Variants in FBXL17 observed in about 807,000 individuals in gnomAD.
The protein encoded by FBXL17 is F-box/LRR-repeat protein 17.
In FBXL17, 22 loss-of-function variants were observed where a neutral mutation model predicts 66.2. The observed-to-expected ratio is 0.33, with a 90% CI of 0.24 to 0.47. The LOEUF (loss-of-function observed/expected upper bound fraction) is 0.47, where lower values mean the gene tolerates loss of function less well. FBXL17 is among the 20% of genes least tolerant of loss of function. The probability of loss-of-function intolerance (pLI) is 1.00; values close to 1 mark genes in which losing one functional copy is unlikely to be tolerated. For synonymous variants in FBXL17, 474 were observed against 400.5 expected (o/e 1.18, Z -2.19); for missense variants, 878 against 948.2 (o/e 0.93, Z 0.97).
chr5:107,932,883 T>C (rs372970608), intron 7 of FBXL17, among the ~76,000 whole-genome samples: 4 of 152,086 alleles, frequency 2.6e-5, no homozygotes, highest in African/African-American at 9.7e-5. Flanking sequence ...ATAAGATGTC[T>C]CGTTCAGTGT....
At chr5:108,066,533 T>C (rs954119058) in intron 6 of FBXL17, among the ~76,000 whole-genome samples, 39 of 152,116 alleles carry the variant, frequency 2.6e-4, no homozygotes, top group African/African-American at 9.4e-4. Context: ...ACTATCTCTT[T>C]TATTAACTAT....
intron 6 of FBXL17, among the ~76,000 whole-genome samples, chr5:108,111,725 G>A (rs573012435): frequency 8.5e-5 from 13 of 152,142 alleles, no homozygotes; most frequent in South Asian, 8.3e-4. Context: ...ACTAGGCTAC[G>A]GGACCACACT....
intron 6 of FBXL17, among the ~76,000 whole-genome samples, chr5:108,079,353 ACT>A (rs1748677891): frequency 6.6e-6 from 1 of 151,758 alleles, no homozygotes. Flanking sequence ...TGATCCTGAA[ACT>A]CTCTCAAGGG....
At chr5:108,040,847 T>C (rs1159181258) in intron 6 of FBXL17, among the ~76,000 whole-genome samples, 1 of 152,068 alleles carries the variant, frequency 6.6e-6, no homozygotes, top group Admixed American at 6.6e-5. Context: ...AAAAGTGGAG[T>C]GCAGCTTTGG....
chr5:108,372,814 T>C (rs2112616752), intron 1 of FBXL17, among the ~76,000 whole-genome samples: 1 of 152,336 alleles, frequency 6.6e-6, no homozygotes, highest in African/African-American at 2.4e-5. Flanking sequence ...GACAGTGGCT[T>C]AAAATCACAT....
rs558765952 is a variant in FBXL17 at position 107,972,980 on chromosome 5, C to A, written c.1822+47945G>T. The stretch of plus-strand genomic sequence containing the variant: ...ACAACCTCTCACCCCATCTCCATCC[C>A]TGTTAGTCCTCATGCGCTCCCTGAA... On this transcript the variant is annotated intron_variant, in intron 7 of 8. Coordinates refer to ENST00000542267, the MANE Select transcript of FBXL17 (RefSeq NM_001163315.3). Among the ~76,000 whole-genome samples, 3 of 152,330 alleles carry A rather than the reference C, an allele frequency of 2.0e-5. No homozygotes were observed. In the South Asian group the frequency reaches 6.2e-4, roughly 32 times the overall value.
intron 6 of FBXL17, among the ~76,000 whole-genome samples, chr5:108,161,102 G>A (rs976220919): frequency 4.6e-5 from 7 of 152,190 alleles, no homozygotes; most frequent in Middle Eastern, 3.4e-3. Context: ...ATGGTAGCCT[G>A]TTAAGAGAGT....
chr5:108,337,321 T>C (rs1760434740), intron 4 of FBXL17, among the ~76,000 whole-genome samples: 1 of 151,854 alleles, frequency 6.6e-6, no homozygotes, highest in Non-Finnish European at 1.5e-5. Context: ...CAATGGTTCA[T>C]CTTCACTGGC....
intron 4 of FBXL17, among the ~76,000 whole-genome samples, chr5:108,284,674 A>G (rs1349062428): frequency 1.3e-5 from 2 of 151,866 alleles, no homozygotes; most frequent in Non-Finnish European, 2.9e-5. Context: ...GTGTAACAAA[A>G]TTGCACATGT....
At chr5:108,232,860 T>C (rs1005801918) in intron 4 of FBXL17, among the ~76,000 whole-genome samples, 1 of 145,652 alleles carries the variant, frequency 6.9e-6, no homozygotes, top group Non-Finnish European at 1.5e-5. Flanking sequence ...CAACAGTTTA[T>C]TCATTTTATT....
chr5:108,304,696 A>G (rs1341507071), intron 4 of FBXL17, among the ~76,000 whole-genome samples: 1 of 151,998 alleles, frequency 6.6e-6, no homozygotes, highest in Non-Finnish European at 1.5e-5. Flanking sequence ...TCAATACAAG[A>G]AAGAAAATGC....
chr5:108,351,110 G>T (rs1029256772), intron 3 of FBXL17, among the ~76,000 whole-genome samples: 5 of 152,018 alleles, frequency 3.3e-5, no homozygotes, highest in African/African-American at 1.2e-4. Context: ...AGTGTTAAGA[G>T]TATAAAAACT....
At position 108,278,288 on chromosome 5, in the gene FBXL17, C is replaced by A. The variant is rs935104699; in HGVS notation, c.1507-54060G>T. Among the ~76,000 whole-genome samples, 13 of 152,328 alleles carry A rather than the reference C, an allele frequency of 8.5e-5. No individual in the cohort carries two copies. In the South Asian group the frequency reaches 2.1e-3, roughly 24 times the overall value. ...GAAAGAACACATCCTGGGTTCCACA[C>A]CCTTTCTGAAACCTAAGAAACAGTA... On this transcript the variant is annotated intron_variant, in intron 4 of 8. Coordinates refer to ENST00000542267, the MANE Select transcript of FBXL17 (RefSeq NM_001163315.3).
At chr5:108,203,362 T>C (rs1302714551) in intron 5 of FBXL17, among the ~76,000 whole-genome samples, 1 of 152,266 alleles carries the variant, frequency 6.6e-6, no homozygotes, top group East Asian at 1.9e-4. Context: ...ATTAGCTTTG[T>C]TGACTGCAAT....
At chr5:107,869,475 A>G (rs1202980160) in intron 8 of FBXL17, among the ~76,000 whole-genome samples, 1 of 152,192 alleles carries the variant, frequency 6.6e-6, no homozygotes, top group African/African-American at 2.4e-5. Context: ...TTTGCATGTA[A>G]ATGAGGTGAG....
intron 6 of FBXL17, among the ~76,000 whole-genome samples, chr5:108,179,588 G>A (rs867787734): frequency 3.9e-5 from 6 of 152,148 alleles, no homozygotes; most frequent in Non-Finnish European, 5.9e-5. Flanking sequence ...GAGTTTGAGG[G>A]ACTTTAATAA....
At chr5:108,170,482 T>C (rs1443994644) in intron 6 of FBXL17, among the ~76,000 whole-genome samples, 1 of 152,210 alleles carries the variant, frequency 6.6e-6, no homozygotes, top group East Asian at 1.9e-4. Context: ...TTTTGGTAGA[T>C]ATTAGTACCA....
chr5:107,969,627 G>A (rs1752292698), intron 7 of FBXL17, among the ~76,000 whole-genome samples: 1 of 152,088 alleles, frequency 6.6e-6, no homozygotes, highest in African/African-American at 2.4e-5. Context: ...TCCTTCAGGT[G>A]ATCCACAGTC....
intron 7 of FBXL17, among the ~76,000 whole-genome samples, chr5:107,978,199 T>A (rs1580276189): frequency 6.6e-6 from 1 of 152,294 alleles, no homozygotes; most frequent in Admixed American, 6.5e-5. Flanking sequence ...GCTGACTCCA[T>A]CTTGCTTCTA....
Sources: allele counts gnomAD v4.1 joint callset (sites outside exome capture counted in the v4.1 genomes callset), GRCh38; gene constraint gnomAD v4.1.1; transcripts MANE v1.5; gene names NCBI Gene and HGNC (gene_info 2026-07-23, HGNC 2026-07-21).